Variants in ACTR8 observed in about 807,000 individuals in gnomAD.
ACTR8 encodes the protein actin related protein 8.
Under a neutral mutation model 84.3 loss-of-function variants are expected in ACTR8, and 70 were observed. The ratio of observed to expected loss-of-function variants is 0.83; its 90% CI spans 0.68 to 1.01. The LOEUF is 1.01. ACTR8 is among the 50% of genes least tolerant of loss of function. The pLI, the probability that ACTR8 is intolerant of heterozygous loss-of-function variation, is 0.00. For synonymous variants in ACTR8, 268 were observed against 275.2 expected (o/e 0.97, Z 0.26); for missense variants, 672 against 775.4 (o/e 0.87, Z 1.58).
chr3:53,866,648 A>ACTT (rs1699791135), downstream of ACTR8, among the ~76,000 whole-genome samples: 1 of 130,858 alleles, frequency 7.6e-6, no homozygotes, highest in African/African-American at 2.9e-5. Flanking sequence ...CACCCAGCTA[A>ACTT]CTTTTTATAT....
At chr3:53,868,903 A>T (rs771527558) in intron 12 of ACTR8, 41 bp from the exon 13 acceptor site, 10 of 1,587,076 alleles carry the variant, frequency 6.3e-6, no homozygotes, top group African/African-American at 2.7e-5. Flanking sequence ...ATCACATAAG[A>T]CATATACTCA....
At chr3:53,863,343 A>G (rs932208968), downstream of ACTR8, among the ~76,000 whole-genome samples, 1 of 152,200 alleles carries the variant, frequency 6.6e-6, no homozygotes, top group Non-Finnish European at 1.5e-5. Context: ...CAAAACATGG[A>G]GTATTTGAAT....
At position 53,877,380 on chromosome 3, in the gene ACTR8, T is replaced by A. The variant is rs1045645111; in HGVS notation, c.518A>T (p.Tyr173Phe). The A allele has an allele frequency of 6.3e-7, 1 of 1,597,954 alleles. No individual in the cohort carries two copies. The highest frequency in any genetic ancestry group is 8.5e-7 in the Non-Finnish European group (1 of 1,173,842). ...ATTGTAACAGTCCAGTGGATTAACA[T>A]ACAAGGCCTAGAAAAGGAGGAGGGA... ...PEYLVGEEAL[Y>F]VNPLDCYNIH... Residue 173 changes from tyrosine (Y) to phenylalanine (F), a missense_variant, in exon 5 of 13, where the codon TAT becomes TTT. Transcript: ENST00000335754.
chr3:53,881,212 G>A (rs1421459487), intron 1 of ACTR8, among the ~76,000 whole-genome samples: 2 of 152,220 alleles, frequency 1.3e-5, no homozygotes, highest in Non-Finnish European at 2.9e-5. Context: ...CCATCTACCG[G>A]TAAGGAAGCT....
Position 53,872,399 on chromosome 3 carries a change from C to G in ACTR8, c.1287G>C (p.Gln429His). 2 of 1,606,292 alleles carry G rather than the reference C, an allele frequency of 1.2e-6. No homozygotes were observed. The highest frequency in any genetic ancestry group is 1.7e-5 in the Admixed American group (1 of 57,876). Residue 429 changes from glutamine to histidine, a missense_variant, in exon 10 of 13, where the codon CAG (glutamine) becomes CAC (histidine). Coordinates refer to ENST00000335754, the MANE Select transcript of ACTR8 (RefSeq NM_022899.5). ...TGCTACGGACCTGTTCTTGTTTGCT[C>G]TGTGTGGCCAGCAGGTAATGTTCAT... is the stretch of plus-strand genomic sequence containing the variant. Reference protein sequence around the residue: ...PHDEHYLLATQSKQEQSAKAT... With the variant: ...PHDEHYLLATHSKQEQSAKAT...
At chr3:53,881,354 G>A (rs981963017) in intron 1 of ACTR8, among the ~76,000 whole-genome samples, 4 of 152,282 alleles carry the variant, frequency 2.6e-5, no homozygotes, top group Admixed American at 2.6e-4. Flanking sequence ...TTGTGTATGT[G>A]TATACATCTA....
Position 53,868,809 on chromosome 3 carries a change from C to T in ACTR8, c.1785G>A (p.Leu595=). 1.2e-5 allele frequency: 19 copies of T among 1,614,214 alleles called. No homozygotes were observed. The highest frequency in any genetic ancestry group is 1.4e-5 in the Non-Finnish European group (17 of 1,180,046). ...AAATCCACAGTTCCTGTGTTGTATC[C>T]AAACAAGCCAACACTGCCCCTCCTT... ...AWKGGAVLAC[L]DTTQELWIYQ... The change falls in exon 13 of 13, where the codon TTG becomes TTA. Residue 595 remains leucine (L), a synonymous_variant. Coordinates refer to ENST00000335754, the MANE Select transcript of ACTR8 (RefSeq NM_022899.5).
Position 53,876,081 on chromosome 3 carries a change from C to CT in ACTR8, c.779-2dup, listed in dbSNP as rs1278899497. On this transcript the variant is annotated splice_acceptor_variant, in intron 6 of 12. Coordinates refer to ENST00000335754, the MANE Select transcript of ACTR8 (RefSeq NM_022899.5). LOFTEE classifies it high-confidence loss of function. ...ACAGACTCCTGATGGACCACAATCCCTGGGGGGGGAAAAGAAAAGGCAGAG... is the reference window on the plus strand; with the variant it reads ...ACAGACTCCTGATGGACCACAATCCCTTGGGGGGGGAAAAGAAAAGGCAGAG... The CT allele has an allele frequency of 8.9e-6, 14 of 1,567,036 alleles. No individual in the cohort carries two copies. The highest frequency in any genetic ancestry group is 1.7e-4 in the Middle Eastern group (1 of 5,988).
chr3:53,874,144 T>C, intron 8 of ACTR8, 67 bp downstream of exon 8: 1 of 1,521,338 alleles, frequency 6.6e-7, no homozygotes. Context: ...CATTTTTAAG[T>C]ATCTTTTAAA....
At chr3:53,869,930 C>G in intron 12 of ACTR8, 52 bp downstream of exon 12, 3 of 1,597,714 alleles carry the variant, frequency 1.9e-6, no homozygotes, top group East Asian at 2.2e-5. Context: ...TGTCCACATA[C>G]AAGGCTGGTT....
At chr3:53,878,317 T>G (rs1050970399) in intron 3 of ACTR8, 40 bp downstream of exon 3, 3 of 1,346,456 alleles carry the variant, frequency 2.2e-6, no homozygotes, top group Non-Finnish European at 3.2e-6. Flanking sequence ...ATGATACCAA[T>G]AGTGGTGATA....
chr3:53,872,672 T>C, intron 9 of ACTR8, 148 bp from the exon 10 acceptor site: 1 of 1,034,454 alleles, frequency 9.7e-7, no homozygotes, highest in East Asian at 2.8e-5. Context: ...AGTGGCATTA[T>C]TTCTCTGGTG....
rs182951375 is a variant in ACTR8, at chr3:53,867,431, T to G, written c.*1288A>C. 30 of 152,358 alleles carry G rather than the reference T, an allele frequency of 2.0e-4. No individual in the cohort carries two copies. The highest frequency in any genetic ancestry group is 7.0e-4 in the African/African-American group (29 of 41,580). The allele number at this position is 152,358 out of a possible 1,614,324, so 9.4% of individuals were successfully genotyped here. On this transcript the variant is annotated 3_prime_UTR_variant, in exon 13 of 13. Transcript: ENST00000335754. ...AAGTTTAAATTGTTTCTAATACTGG[T>G]GGACTCTTCATTTGTAACCTACTGA...
chr3:53,874,065 C>T, intron 8 of ACTR8, 146 bp downstream of exon 8: 1 of 650,404 alleles, frequency 1.5e-6, no homozygotes. Context: ...ACCTCATGAT[C>T]CACCCACCTC....
intron 3 of ACTR8, 93 bp from the exon 4 acceptor site, chr3:53,877,844 C>T (rs1277545886): frequency 1.0e-6 from 1 of 989,426 alleles, no homozygotes; most frequent in Non-Finnish European, 1.5e-6. Context: ...ATACTAGACA[C>T]ATTGGCAAAT....
intron 1 of ACTR8, among the ~76,000 whole-genome samples, chr3:53,880,720 G>A (rs1161063807): frequency 6.6e-6 from 1 of 152,124 alleles, no homozygotes; most frequent in Non-Finnish European, 1.5e-5. Flanking sequence ...CTAATCTACT[G>A]GCTGGGCCTC....
chr3:53,881,893 C>A (rs1332781269), intron 1 of ACTR8, 86 bp downstream of exon 1: 1 of 1,539,022 alleles, frequency 6.5e-7, no homozygotes, highest in Non-Finnish European at 8.8e-7. Context: ...AAGGGGGACT[C>A]GAAGCCTCCC....
Position 53,868,767 on chromosome 3 carries a change from C to G in ACTR8, c.1827G>C (p.Gln609His). The change falls in exon 13 of 13, where the codon CAG becomes CAC. Residue 609 changes from glutamine (Q) to histidine (H), a missense_variant. Coordinates refer to ENST00000335754, the MANE Select transcript of ACTR8 (RefSeq NM_022899.5). ...QELWIYQREWQRFGVRMLRER... is the reference protein window; with the variant it reads ...QELWIYQREWHRFGVRMLRER... ...CTCGTAACATGCGGACACCAAAGCG[C>G]TGCCACTCTCGCTGATAAATCCACA... The G allele has an allele frequency of 1.2e-6, 2 of 1,614,244 alleles. No individual in the cohort carries two copies. The highest frequency in any genetic ancestry group is 1.7e-6 in the Non-Finnish European group (2 of 1,180,054).
rs762635747 is a variant in ACTR8 at position 53,873,141 on chromosome 3, A to G, written c.1066-14T>C. On this transcript the variant is annotated splice_polypyrimidine_tract_variant and intron_variant, in intron 8 of 12. Coordinates refer to ENST00000335754, the MANE Select transcript of ACTR8 (RefSeq NM_022899.5). ...CCCAGAGATGTCCTGATTCCAGGAAAAGATGCTGTCAGTGAATCAGTAAGA... is the reference window on the plus strand; with the variant it reads ...CCCAGAGATGTCCTGATTCCAGGAAGAGATGCTGTCAGTGAATCAGTAAGA... The G allele has an allele frequency of 8.0e-5, 128 of 1,594,382 alleles. No homozygotes were observed. The highest frequency in any genetic ancestry group is 1.1e-4 in the Non-Finnish European group (124 of 1,165,084).
Sources: allele counts gnomAD v4.1 joint callset (sites outside exome capture counted in the v4.1 genomes callset), GRCh38; gene constraint gnomAD v4.1.1; transcripts MANE v1.5; gene names NCBI Gene and HGNC (gene_info 2026-07-23, HGNC 2026-07-21).